The following RALYL variants were observed in gnomAD, a reference collection of about 807,000 sequenced individuals.
The protein encoded by RALYL is RNA-binding Raly-like protein.
A neutral mutation model predicts 35.1 loss-of-function variants in RALYL; 29 were observed. The observed-to-expected ratio is 0.83, with a 90% CI of 0.61 to 1.13. RALYL has a LOEUF of 1.13. RALYL is among the 50% of genes most tolerant of loss of function. RALYL has a pLI of 0.00. For missense variants in RALYL, 359 were observed against 360.4 expected (o/e 1.00, Z 0.03); for synonymous variants, 120 against 127.6 (o/e 0.94, Z 0.40).
intron 4 of RALYL, among the ~76,000 whole-genome samples, chr8:84,814,202 A>G (rs949274992): frequency 6.6e-6 from 1 of 152,186 alleles, no homozygotes; most frequent in African/African-American, 2.4e-5. Context: ...ACAATTCTGG[A>G]AGGTATATTT....
intron 1 of RALYL, among the ~76,000 whole-genome samples, chr8:84,464,526 A>C (rs1236353302): frequency 3.3e-4 from 50 of 149,930 alleles, no homozygotes; most frequent in African/African-American, 1.2e-3. Context: ...ACATTTTCTT[A>C]ATCCAGTCTA....
chr8:84,488,603 A>G (rs1217147475), intron 1 of RALYL, among the ~76,000 whole-genome samples: 1 of 151,994 alleles, frequency 6.6e-6, no homozygotes, highest in Non-Finnish European at 1.5e-5. Context: ...ATTTCCATAT[A>G]CAAAGGAACA....
intron 2 of RALYL, among the ~76,000 whole-genome samples, chr8:84,737,755 T>A (rs1309504651): frequency 6.6e-6 from 1 of 151,782 alleles, no homozygotes; most frequent in Non-Finnish European, 1.5e-5. Flanking sequence ...TCCCTTATGA[T>A]GGGATTTATG....
chr8:84,279,463 G>A (rs1190714533), intron 1 of RALYL, among the ~76,000 whole-genome samples: 1 of 152,176 alleles, frequency 6.6e-6, no homozygotes, highest in East Asian at 1.9e-4. Context: ...GTAGAGGTAA[G>A]TGTTATGAAA....
intron 2 of RALYL, among the ~76,000 whole-genome samples, chr8:84,709,208 T>C (rs1841738730): frequency 6.6e-6 from 1 of 152,062 alleles, no homozygotes; most frequent in Non-Finnish European, 1.5e-5. Context: ...GTACCTTCCA[T>C]CTCTAACCCT....
At chr8:84,328,254 T>C (rs578143301) in intron 1 of RALYL, among the ~76,000 whole-genome samples, 4 of 152,234 alleles carry the variant, frequency 2.6e-5, no homozygotes, top group Non-Finnish European at 5.9e-5. Flanking sequence ...CCCAGAAATT[T>C]GTCAGTTTTA....
At chr8:84,506,661 ACT>A (rs891869338) in intron 1 of RALYL, among the ~76,000 whole-genome samples, 2 of 152,004 alleles carry the variant, frequency 1.3e-5, no homozygotes, top group Non-Finnish European at 2.9e-5. Context: ...ATTTTGAGTT[ACT>A]TTTTATTTTA....
At chr8:84,805,718 T>A (rs1824431746) in intron 4 of RALYL, among the ~76,000 whole-genome samples, 1 of 152,112 alleles carries the variant, frequency 6.6e-6, no homozygotes, top group Non-Finnish European at 1.5e-5. Flanking sequence ...ATAATAACAA[T>A]AATATGTTTT....
chr8:84,780,312 C>T (rs534313583), intron 3 of RALYL, among the ~76,000 whole-genome samples: 1 of 152,274 alleles, frequency 6.6e-6, no homozygotes, highest in East Asian at 1.9e-4. Flanking sequence ...TATGTTATTG[C>T]TTAGGTCTAC....
intron 2 of RALYL, among the ~76,000 whole-genome samples, chr8:84,682,481 T>C (rs945188204): frequency 6.6e-6 from 1 of 152,192 alleles, no homozygotes; most frequent in African/African-American, 2.4e-5. Context: ...GGACGTTTTT[T>C]GGTTGGTAGG....
chr8:84,467,031 C>T (rs2133557900), intron 1 of RALYL, among the ~76,000 whole-genome samples: 1 of 152,092 alleles, frequency 6.6e-6, no homozygotes, highest in East Asian at 1.9e-4. Flanking sequence ...ATTCTTCTCT[C>T]TTTTTTTCTT....
rs1852218377 is a variant in RALYL, at chr8:84,358,040, G to C, written c.-23-171259G>C. Among the ~76,000 whole-genome samples the C allele has an allele frequency of 2.0e-5, 3 of 151,670 alleles. No homozygotes were observed. In the South Asian group the frequency reaches 6.2e-4, roughly 31 times the overall value. On this transcript the variant is annotated intron_variant, in intron 1 of 8. Transcript: ENST00000521268. The stretch of plus-strand genomic sequence containing the variant: ...CAAAATAATTTTGAAGAATACATTA[G>C]TATTTGTAGGAGCCATTCATACTGC...
chr8:84,580,463 G>A (rs1357677536), intron 2 of RALYL, among the ~76,000 whole-genome samples: 1 of 152,096 alleles, frequency 6.6e-6, no homozygotes. Context: ...AAAGGAATGG[G>A]GTGTGGGAGT....
At chr8:84,434,509 G>A (rs1352103508) in intron 1 of RALYL, among the ~76,000 whole-genome samples, 2 of 152,058 alleles carry the variant, frequency 1.3e-5, no homozygotes, top group African/African-American at 2.4e-5. Context: ...AATGTATACA[G>A]GTACCAGAAC....
chr8:84,303,035 C>T (rs755321829), intron 1 of RALYL, among the ~76,000 whole-genome samples: 59 of 152,108 alleles, frequency 3.9e-4, no homozygotes, highest in Non-Finnish European at 7.1e-4. Flanking sequence ...TTAATTTTTA[C>T]CAATATGCTG....
At chr8:84,478,188 G>C (rs374096288) in intron 1 of RALYL, among the ~76,000 whole-genome samples, 1 of 151,920 alleles carries the variant, frequency 6.6e-6, no homozygotes. Flanking sequence ...ACTTTATGTT[G>C]ATACATGCTT....
At chr8:84,784,135 C>A (rs1818835905) in intron 3 of RALYL, among the ~76,000 whole-genome samples, 1 of 152,212 alleles carries the variant, frequency 6.6e-6, no homozygotes, top group Non-Finnish European at 1.5e-5. Context: ...TGTGCTCCAC[C>A]TCCTGGTTGC....
chr8:84,229,207 A>AGAC (rs1183514342), intron 1 of RALYL, among the ~76,000 whole-genome samples: 3 of 152,214 alleles, frequency 2.0e-5, no homozygotes, highest in African/African-American at 7.2e-5. Flanking sequence ...TTTCTTTGAT[A>AGAC]GACACCATGA....
Position 84,614,830 on chromosome 8 carries a change from A to G in RALYL, c.256+85253A>G, listed in dbSNP as rs1011706865. On this transcript the variant is annotated intron_variant, in intron 2 of 8. Coordinates refer to ENST00000521268, the MANE Select transcript of RALYL (RefSeq NM_173848.7). ...TGGAAACATTTGCATATTTTCTAAA[A>G]TCTTATAAAATATGCTGGTAGATTT... Among the ~76,000 whole-genome samples, 23 of 149,928 alleles carry G rather than the reference A, an allele frequency of 1.5e-4. 1 individual carries two copies. Among genetic ancestry groups the G allele is most frequent in the African/African-American group, 5.5e-4 (22 of 40,300 alleles).
Sources: gnomAD v4.1 joint callset for allele counts (sites outside exome capture counted in the v4.1 genomes callset) on GRCh38, gnomAD v4.1.1 for gene constraint, MANE v1.5 for transcripts, NCBI Gene and HGNC (gene_info 2026-07-23, HGNC 2026-07-21) for gene names.